SNTB2: variants seen among roughly 807,000 people sequenced by gnomAD.
SNTB2 encodes the protein syntrophin beta 2.
SNTB2 carries 34 observed loss-of-function variants against 46.2 expected under a neutral mutation model. The ratio of observed to expected loss-of-function variants is 0.74; its 90% CI spans 0.56 to 0.98. SNTB2 has a LOEUF of 0.98. Among genes scored for constraint, SNTB2 ranks in the 50% least tolerant of loss-of-function variants. SNTB2 has a pLI of 0.00. For missense variants in SNTB2, 603 were observed against 731.4 expected, an observed-to-expected ratio of 0.82 and a Z score of 2.02; for synonymous variants, 290 against 312.6, an observed-to-expected ratio of 0.93 and a Z score of 0.76.
chr16:69,308,059 C>T lies in SNTB2; in HGVS notation c.*7135C>T, dbSNP rs1378920119. On this transcript the variant is annotated 3_prime_UTR_variant, in exon 7 of 7. Transcript: ENST00000336278. ...TCAGTGATTGGAATGGCACAGGAAA[C>T]CGAATCACATGGGTGCCCTCCCCTT... The T allele has an allele frequency of 6.6e-6, 1 of 152,548 alleles. No homozygotes were observed. The highest frequency in any genetic ancestry group is 1.9e-4 in the East Asian group (1 of 5,194). 9.4% of individuals were successfully genotyped at this position (152,548 alleles called of 1,614,324 possible).
chr16:69,253,544 G>A (rs868544558), intron 2 of SNTB2, among the ~76,000 whole-genome samples: 7 of 152,066 alleles, frequency 4.6e-5, no homozygotes, highest in Admixed American at 1.3e-4. Flanking sequence ...AGCTACTCGG[G>A]AGGCTGAGGC....
At chr16:69,226,008 T>G (rs180848866) in intron 1 of SNTB2, among the ~76,000 whole-genome samples, 1 of 152,204 alleles carries the variant, frequency 6.6e-6, no homozygotes, top group East Asian at 1.9e-4. Flanking sequence ...TCTCAAGTGA[T>G]CTGCCCGCCT....
At chr16:69,196,675 A>T (rs1964109357) in intron 1 of SNTB2, among the ~76,000 whole-genome samples, 1 of 152,142 alleles carries the variant, frequency 6.6e-6, no homozygotes, top group Non-Finnish European at 1.5e-5. Context: ...ACCTGGCCAC[A>T]ACTTATTCTT....
In SNTB2 at chr16:69,256,968, G is replaced by A. The variant is rs540624504; in HGVS notation, c.795-3082G>A. Among the ~76,000 whole-genome samples, 64 of 152,176 alleles carry A rather than the reference G, an allele frequency of 4.2e-4. 2 individuals are homozygous for A. Among genetic ancestry groups the A allele is most frequent in the South Asian group, 8.3e-4 (4 of 4,828 alleles). Reference sequence around the variant, plus strand: ...GCGGATCACTTGAGGTCAGGAGTTCGAGACCAGCCTGGCCAACATGGTGAA... The same window carrying A: ...GCGGATCACTTGAGGTCAGGAGTTCAAGACCAGCCTGGCCAACATGGTGAA... On this transcript the variant is annotated intron_variant, in intron 2 of 6. Coordinates refer to ENST00000336278, the MANE Select transcript of SNTB2 (RefSeq NM_006750.4).
At chr16:69,240,086 C>A (rs916670743) in intron 1 of SNTB2, among the ~76,000 whole-genome samples, 2 of 152,132 alleles carry the variant, frequency 1.3e-5, no homozygotes, top group Non-Finnish European at 2.9e-5. Context: ...CTGCTAAGAA[C>A]ATTAGTGTAC....
chr16:69,204,724 AATCTGCAGC>A (rs1335284124), intron 1 of SNTB2, among the ~76,000 whole-genome samples: 2 of 152,198 alleles, frequency 1.3e-5, no homozygotes, highest in East Asian at 3.8e-4. Context: ...AGTGTATGGA[AATCTGCAGC>A]ATTTGCCCCT....
intron 4 of SNTB2, among the ~76,000 whole-genome samples, chr16:69,281,736 G>A (rs974209536): frequency 2.0e-5 from 3 of 150,538 alleles, no homozygotes; most frequent in Non-Finnish European, 4.4e-5. Flanking sequence ...CCAGCTATTC[G>A]GGAGACTAAG....
At chr16:69,237,728 G>A (rs573472581) in intron 1 of SNTB2, among the ~76,000 whole-genome samples, 17 of 150,848 alleles carry the variant, frequency 1.1e-4, no homozygotes, top group Middle Eastern at 3.5e-3. Context: ...TCAGCCTCCC[G>A]AGTAGCTGGG....
Position 69,300,307 on chromosome 16 carries a change from G to A in SNTB2, c.1531-525G>A, listed in dbSNP as rs183844526. Among the ~76,000 whole-genome samples the A allele has an allele frequency of 9.5e-4, 144 of 152,112 alleles. 2 individuals carry two copies. The highest frequency in any genetic ancestry group is 6.8e-3 in the Middle Eastern group (2 of 294). The stretch of plus-strand genomic sequence containing the variant: ...GCTTTGTCGCCCAGGCTGGAGTGCA[G>A]TGGCACCATCTCAGCTCACTGCAAC... On this transcript the variant is annotated intron_variant, in intron 6 of 6. Coordinates refer to ENST00000336278, the MANE Select transcript of SNTB2 (RefSeq NM_006750.4).
chr16:69,270,307 GA>G, intron 4 of SNTB2, 22 bp downstream of exon 4: 1 of 1,613,574 alleles, frequency 6.2e-7, no homozygotes, highest in Non-Finnish European at 8.5e-7. Flanking sequence ...TAAAGATAAG[GA>G]AGTAAAATAT....
At position 69,252,838 on chromosome 16, in the gene SNTB2, G is replaced by A. The variant is rs139165233; in HGVS notation, c.794+7023G>A. The stretch of plus-strand genomic sequence containing the variant: ...TTGTCTCCATATTTTTATTAGCAAA[G>A]TTTTCATTGGAATTTTCTTTTAAAA... On this transcript the variant is annotated intron_variant, in intron 2 of 6. Coordinates refer to ENST00000336278, the MANE Select transcript of SNTB2 (RefSeq NM_006750.4). Among the ~76,000 whole-genome samples, 173 of 150,962 alleles carry A rather than the reference G, an allele frequency of 1.1e-3. No individual in the cohort carries two copies. In the South Asian group the frequency reaches 0.028, roughly 24 times the overall value.
At chr16:69,284,316 A>C (rs575913850) in intron 5 of SNTB2, 72 bp downstream of exon 5, 2 of 1,322,658 alleles carry the variant, frequency 1.5e-6, no homozygotes, top group East Asian at 4.9e-5. Flanking sequence ...CTGCATAATG[A>C]CATTTCAGTC....
intron 5 of SNTB2, among the ~76,000 whole-genome samples, chr16:69,298,774 G>A (rs1351166154): frequency 2.6e-5 from 4 of 151,768 alleles, no homozygotes; most frequent in South Asian, 4.2e-4. Flanking sequence ...CGCCCACCTC[G>A]ACCTCCCAAA....
At chr16:69,267,452 T>C (rs1261094671) in intron 3 of SNTB2, among the ~76,000 whole-genome samples, 3 of 152,238 alleles carry the variant, frequency 2.0e-5, no homozygotes. Context: ...TTGGGATATC[T>C]GTGATCCAAA....
intron 5 of SNTB2, among the ~76,000 whole-genome samples, chr16:69,289,751 G>A (rs1203053763): frequency 6.6e-6 from 1 of 152,032 alleles, no homozygotes; most frequent in Non-Finnish European, 1.5e-5. Context: ...GCGAAACCCC[G>A]TCTCTACAAA....
chr16:69,254,137 A>G lies in SNTB2; in HGVS notation c.795-5913A>G, dbSNP rs1006819008. On this transcript the variant is annotated intron_variant, in intron 2 of 6. Transcript: ENST00000336278. ...GCCTGATATACGATCTGAAATAAGG[A>G]CATCATTGCCTCCCCCACCCAGTTT... Among the ~76,000 whole-genome samples, 77 of 152,118 alleles carry G rather than the reference A, an allele frequency of 5.1e-4. 1 individual carries two copies. Among genetic ancestry groups the G allele is most frequent in the Non-Finnish European group, 1.8e-4 (12 of 68,008 alleles).
chr16:69,198,869 A>T (rs1964132497), intron 1 of SNTB2, among the ~76,000 whole-genome samples: 1 of 149,764 alleles, frequency 6.7e-6, no homozygotes, highest in South Asian at 2.1e-4. Context: ...AAATGCATGG[A>T]TTGTCAGAGA....
chr16:69,260,340 A>G, intron 3 of SNTB2, 80 bp downstream of exon 3: 2 of 1,307,618 alleles, frequency 1.5e-6, no homozygotes, highest in Non-Finnish European at 2.2e-6. Flanking sequence ...TATCTGTAAT[A>G]CTTACCATGC....
intron 5 of SNTB2, among the ~76,000 whole-genome samples, chr16:69,286,278 T>A (rs1965101339): frequency 1.3e-5 from 2 of 152,132 alleles, no homozygotes; most frequent in Admixed American, 1.3e-4. Context: ...CATTTAGTAG[T>A]GTAAGAACTA....
Sources: allele counts gnomAD v4.1 joint callset (sites outside exome capture counted in the v4.1 genomes callset), GRCh38; gene constraint gnomAD v4.1.1; transcripts MANE v1.5; gene names NCBI Gene and HGNC (gene_info 2026-07-23, HGNC 2026-07-21).